TTC28: variants seen among roughly 807,000 people sequenced by gnomAD.
TTC28 encodes the protein tetratricopeptide repeat protein 28.
In TTC28, 61 loss-of-function variants were observed where a neutral mutation model predicts 198.0. The ratio of observed to expected loss-of-function variants is 0.31; its 90% CI spans 0.25 to 0.38. The LOEUF is 0.38. Among genes scored for constraint, TTC28 ranks in the 10% least tolerant of loss-of-function variants. The pLI is 1.00. For missense variants in TTC28, 2,678 were observed against 3,164.0 expected, an observed-to-expected ratio of 0.85 and a Z score of 3.69; for synonymous variants, 1,171 against 1,297.8, an observed-to-expected ratio of 0.90 and a Z score of 2.10.
In TTC28 at chr22:28,502,817, G is replaced by A. The variant is rs191759263; in HGVS notation, c.381+126735C>T. 7.7e-3 allele frequency among the ~76,000 whole-genome samples: 1,166 copies of A among 152,102 alleles called. 9 individuals carry two copies. The highest frequency in any genetic ancestry group is 0.011 in the Non-Finnish European group (781 of 67,986). On this transcript the variant is annotated intron_variant, in intron 2 of 22. Transcript: ENST00000397906. ...AAAGGCCTTAAATCCTTAAACCAAG[G>A]ATTAAAAACAAGCATATCCTTGTTT... is the stretch of plus-strand genomic sequence containing the variant.
At chr22:28,594,070 A>G (rs2050491132) in intron 2 of TTC28, among the ~76,000 whole-genome samples, 1 of 152,156 alleles carries the variant, frequency 6.6e-6, no homozygotes, top group South Asian at 2.1e-4. Flanking sequence ...CAGGACTATA[A>G]TTAAGGCACA....
At chr22:28,035,659 T>A (rs1939309702) in intron 12 of TTC28, among the ~76,000 whole-genome samples, 1 of 152,242 alleles carries the variant, frequency 6.6e-6, no homozygotes, top group African/African-American at 2.4e-5. Flanking sequence ...AGTAGCCACT[T>A]AGCAAGAGTG....
At position 28,108,399 on chromosome 22, in the gene TTC28, G is replaced by T; in HGVS notation, c.1446C>A (p.Ile482=). The T allele has an allele frequency of 1.4e-6, 2 of 1,440,134 alleles. No homozygotes were observed. The highest frequency in any genetic ancestry group is 1.5e-5 in the South Asian group (1 of 65,406). 89.2% of individuals were successfully genotyped at this position (1,440,134 alleles called of 1,614,324 possible). A position where few individuals can be genotyped will look rare whatever the true frequency, so the allele number is the denominator to read the frequency against. ...AEGRASSNLG[I]IHQMKGDYDT... ...CATAATCACCTTTCATCTGGTGTAT[G>T]ATTCCTGAGAAAGAGAATAAAAGAA... The change falls in exon 7 of 23, where the codon ATC becomes ATA. Residue 482 remains isoleucine (I), a synonymous_variant. Transcript: ENST00000397906.
chr22:27,997,684 C>T (rs1211511567), intron 16 of TTC28: 1 of 152,180 alleles, frequency 6.6e-6, no homozygotes, highest in African/African-American at 2.4e-5. Flanking sequence ...TTGTAACACC[C>T]TGGGGAGTTT....
chr22:28,222,447 A>T (rs1466824854), intron 5 of TTC28, among the ~76,000 whole-genome samples: 1 of 152,194 alleles, frequency 6.6e-6, no homozygotes, highest in Admixed American at 6.5e-5. Flanking sequence ...TTGGTACCTT[A>T]ATGTCTAAAG....
intron 2 of TTC28, among the ~76,000 whole-genome samples, chr22:28,568,405 G>A (rs549691725): frequency 3.0e-4 from 45 of 152,178 alleles, no homozygotes; most frequent in Non-Finnish European, 5.3e-4. Flanking sequence ...ATACAAATAG[G>A]AAGAGAAGTC....
chr22:28,220,531 G>A lies in TTC28; in HGVS notation c.934-56932C>T, dbSNP rs954570309. On this transcript the variant is annotated intron_variant, in intron 5 of 22. Transcript: ENST00000397906. ...TGAGAGCTTCAGTTTTTTGCTGGCT[G>A]TCAGGGGAGACTGCCCTCAGCTCCT... Among the ~76,000 whole-genome samples, 17 of 152,198 alleles carry A rather than the reference G, an allele frequency of 1.1e-4. 1 individual carries two copies. The highest frequency in any genetic ancestry group is 3.4e-4 in the African/African-American group (14 of 41,446).
In TTC28 at chr22:28,107,750, A is replaced by G. The variant is rs945914489; in HGVS notation, c.2095T>C (p.Tyr699His). 1 of 1,551,848 alleles carries G rather than the reference A, an allele frequency of 6.4e-7. No individual in the cohort carries two copies. The highest frequency in any genetic ancestry group is 1.4e-5 in the African/African-American group (1 of 73,048). The change falls in exon 7 of 23, where the codon TAC becomes CAC. Residue 699 changes from tyrosine (Y) to histidine (H), a missense_variant. This residue lies in a region of TTC28 where 775 missense variants were observed against 845.9 expected (regional missense o/e 0.92). Coordinates refer to ENST00000397906, the MANE Select transcript of TTC28 (RefSeq NM_001145418.2). ...NFSKAEECQK[Y>H]LLSLAQSLNN... ...AGAGACTGGGCTAGGGACAGTAGGTACTTCTGACACTCTTCAGCTTTACTG... is the reference window on the plus strand; with the variant it reads ...AGAGACTGGGCTAGGGACAGTAGGTGCTTCTGACACTCTTCAGCTTTACTG...
At position 28,508,377 on chromosome 22, in the gene TTC28, G is replaced by A. The variant is rs553643556; in HGVS notation, c.381+121175C>T. 2.1e-4 allele frequency among the ~76,000 whole-genome samples: 32 copies of A among 152,222 alleles called. 1 individual carries two copies. The South Asian group carries it at 3.5e-3, about 17-fold the overall frequency. On this transcript the variant is annotated intron_variant, in intron 2 of 22. Coordinates refer to ENST00000397906, the MANE Select transcript of TTC28 (RefSeq NM_001145418.2). Reference sequence around the variant, plus strand: ...CAGCTCACTGCAACCTCTGCCTCCCGGGTTCAAGAGCTTCCCCTATCTCAG... The same window carrying A: ...CAGCTCACTGCAACCTCTGCCTCCCAGGTTCAAGAGCTTCCCCTATCTCAG...
chr22:28,528,385 A>C (rs935258923), intron 2 of TTC28, among the ~76,000 whole-genome samples: 11 of 152,046 alleles, frequency 7.2e-5, no homozygotes, highest in Admixed American at 2.0e-4. Flanking sequence ...TAGATCGTTA[A>C]GGATGCATAT....
intron 12 of TTC28, among the ~76,000 whole-genome samples, chr22:28,084,020 A>G (rs1161963577): frequency 3.3e-5 from 5 of 152,222 alleles, no homozygotes; most frequent in Admixed American, 6.5e-5. Context: ...CAGGAAGCTC[A>G]AACTGGGTGG....
chr22:28,017,984 G>A (rs572126570), intron 13 of TTC28, among the ~76,000 whole-genome samples: 45 of 152,282 alleles, frequency 3.0e-4, no homozygotes, highest in African/African-American at 1.0e-3. Flanking sequence ...TCTCCAGGCC[G>A]CCAAGCCCAC....
chr22:28,424,600 G>T (rs1288953806), intron 2 of TTC28, among the ~76,000 whole-genome samples: 1 of 152,102 alleles, frequency 6.6e-6, no homozygotes, highest in African/African-American at 2.4e-5. Flanking sequence ...CCAGGTAAAA[G>T]CATCTCATAC....
In TTC28 at chr22:28,627,588, C is replaced by T. The variant is rs557143958; in HGVS notation, c.381+1964G>A. Among the ~76,000 whole-genome samples, 14 of 151,910 alleles carry T rather than the reference C, an allele frequency of 9.2e-5. No individual in the cohort carries two copies. In the South Asian group the frequency reaches 1.9e-3, roughly 20 times the overall value. On this transcript the variant is annotated intron_variant, in intron 2 of 22. Transcript: ENST00000397906. The stretch of plus-strand genomic sequence containing the variant: ...CTGGGATTACAGGTGCCTGCCACCA[C>T]GCCCAGCTAATTTTTGTGTTTTTAG...
rs1332320859 is a variant in TTC28, at chr22:27,998,934, G to A, written c.4725C>T (p.His1575=). 2 of 1,550,716 alleles carry A rather than the reference G, an allele frequency of 1.3e-6. No homozygotes were observed. Among genetic ancestry groups the A allele is most frequent in the Admixed American group, 3.9e-5 (2 of 51,002 alleles). The change falls in exon 16 of 23, where the codon CAC becomes CAT. Residue 1575 remains histidine (H), a synonymous_variant. Transcript: ENST00000397906. ...GCAAGGACTCAGGGATCGTGTAGGGGTGGCCGAAGGAGCTCTTGCTGCTGG... is the reference window on the plus strand; with the variant it reads ...GCAAGGACTCAGGGATCGTGTAGGGATGGCCGAAGGAGCTCTTGCTGCTGG... ...NPASSKSSFG[H]PYTIPESLRV...
At chr22:28,370,345 A>T (rs552046125) in intron 2 of TTC28, among the ~76,000 whole-genome samples, 1 of 152,172 alleles carries the variant, frequency 6.6e-6, no homozygotes, top group Non-Finnish European at 1.5e-5. Flanking sequence ...AGTCCCAGAT[A>T]TCTTACCATC....
At chr22:27,990,073 A>T in intron 20 of TTC28, 66 bp from the exon 21 acceptor site, 10 of 1,511,750 alleles carry the variant, frequency 6.6e-6, no homozygotes, top group Non-Finnish European at 8.9e-6. Flanking sequence ...TCAAGACTCG[A>T]CCCATTATTC....
At chr22:28,057,332 G>A (rs1940328780) in intron 12 of TTC28, among the ~76,000 whole-genome samples, 1 of 152,074 alleles carries the variant, frequency 6.6e-6, no homozygotes, top group South Asian at 2.1e-4. Flanking sequence ...TTTCTAGTGG[G>A]AATGTAGTGG....
intron 2 of TTC28, among the ~76,000 whole-genome samples, chr22:28,386,048 G>A (rs976291772): frequency 2.6e-5 from 4 of 151,420 alleles, no homozygotes; most frequent in Non-Finnish European, 5.9e-5. Context: ...AGGCCGAGGC[G>A]GGCGGATCAC....
Sources: gnomAD v4.1 joint callset for allele counts (sites outside exome capture counted in the v4.1 genomes callset) on GRCh38, gnomAD v4.1.1 for gene constraint, gnomAD v4.1.1 regional missense constraint, MANE v1.5 for transcripts, NCBI Gene and HGNC (gene_info 2026-07-23, HGNC 2026-07-21) for gene names.